The following PHKB variants were observed in gnomAD, a reference collection of about 807,000 sequenced individuals.
PHKB encodes the protein phosphorylase b kinase regulatory subunit beta.
PHKB carries 122 observed loss-of-function variants against 152.1 expected under a neutral mutation model. That is an observed-to-expected ratio of 0.80 (90% CI 0.69 to 0.93). PHKB has a LOEUF of 0.93. Ranked by LOEUF, PHKB falls within the 40% of genes least tolerant of loss-of-function variation. The pLI, the probability that PHKB is intolerant of heterozygous loss-of-function variation, is 0.00. For missense variants in PHKB, 1,304 were observed against 1,328.4 expected (o/e 0.98, Z 0.29); for synonymous variants, 436 against 464.9 (o/e 0.94, Z 0.80).
intron 14 of PHKB, chr16:47,619,382 G>A (rs1035816531): frequency 9.2e-5 from 14 of 152,152 alleles, no homozygotes; most frequent in African/African-American, 3.1e-4. Flanking sequence ...AGAGTTCTGT[G>A]AAAGTGATCT....
At chr16:47,528,589 A>C (rs1309456922) in intron 6 of PHKB, among the ~76,000 whole-genome samples, 2 of 151,940 alleles carry the variant, frequency 1.3e-5, no homozygotes, top group Non-Finnish European at 2.9e-5. Context: ...AAACATGGAG[A>C]ATGAGAATGT....
chr16:47,543,373 C>T (rs1237465415), intron 6 of PHKB, among the ~76,000 whole-genome samples: 1 of 152,108 alleles, frequency 6.6e-6, no homozygotes, highest in African/African-American at 2.4e-5. Context: ...GTTGGATAAG[C>T]TTTTTGATGT....
At chr16:47,605,484 C>G (rs908301688) in intron 13 of PHKB, among the ~76,000 whole-genome samples, 3 of 152,132 alleles carry the variant, frequency 2.0e-5, no homozygotes, top group African/African-American at 7.2e-5. Context: ...TAACAAAATA[C>G]TGTAATAAAG....
chr16:47,497,033 T>G (rs1597031086), intron 1 of PHKB, among the ~76,000 whole-genome samples: 1 of 152,198 alleles, frequency 6.6e-6, no homozygotes, highest in African/African-American at 2.4e-5. Flanking sequence ...GAATGAAGTT[T>G]GGATTTATGG....
At chr16:47,597,780 G>C (rs1972149211) in intron 13 of PHKB, 1 of 148,666 alleles carries the variant, frequency 6.7e-6, no homozygotes, top group Non-Finnish European at 1.5e-5. Context: ...TAAATTTCAG[G>C]AACTCTTAAT....
At chr16:47,672,342 C>T (rs8057979) in intron 26 of PHKB, among the ~76,000 whole-genome samples, 30 of 152,240 alleles carry the variant, frequency 2.0e-4, no homozygotes, top group African/African-American at 7.2e-4. Flanking sequence ...TCAACTCCAA[C>T]CTCTTGACTC....
intron 10 of PHKB, among the ~76,000 whole-genome samples, chr16:47,592,893 A>G (rs1355567009): frequency 6.6e-6 from 1 of 152,154 alleles, no homozygotes; most frequent in African/African-American, 2.4e-5. Flanking sequence ...AATCAGTTCA[A>G]CTTTATTGCT....
chr16:47,467,665 G>A (rs1053040811), intron 1 of PHKB, among the ~76,000 whole-genome samples: 2 of 152,032 alleles, frequency 1.3e-5, no homozygotes, highest in Non-Finnish European at 2.9e-5. Context: ...AACCCCCTTG[G>A]CATGAAGCTT....
At chr16:47,605,984 T>C (rs1972316471) in intron 13 of PHKB, among the ~76,000 whole-genome samples, 1 of 152,186 alleles carries the variant, frequency 6.6e-6, no homozygotes, top group African/African-American at 2.4e-5. Flanking sequence ...CTCTGGTTCA[T>C]CATCTATAAA....
chr16:47,677,748 GTTAA>G (rs1043208843), intron 26 of PHKB, among the ~76,000 whole-genome samples: 8 of 151,748 alleles, frequency 5.3e-5, no homozygotes. Context: ...ATATGGCTTA[GTTAA>G]ATGCACAAAA....
At chr16:47,603,358 T>C (rs1204270623) in intron 13 of PHKB, among the ~76,000 whole-genome samples, 1 of 152,218 alleles carries the variant, frequency 6.6e-6, no homozygotes, top group African/African-American at 2.4e-5. Context: ...ATTATCTTTC[T>C]CATGTTACCC....
intron 5 of PHKB, among the ~76,000 whole-genome samples, chr16:47,515,031 A>T (rs1970572601): frequency 1.3e-5 from 2 of 152,156 alleles, no homozygotes; most frequent in African/African-American, 4.8e-5. Context: ...CCTATTGTTT[A>T]TGGGGTACTG....
intron 10 of PHKB, among the ~76,000 whole-genome samples, chr16:47,592,703 G>A (rs562134214): frequency 6.6e-6 from 1 of 152,238 alleles, no homozygotes; most frequent in African/African-American, 2.4e-5. Context: ...GTGAGCCTCT[G>A]AGGGAAGTTC....
At chr16:47,595,115 A>G (rs1004564007) in intron 12 of PHKB, among the ~76,000 whole-genome samples, 3 of 152,244 alleles carry the variant, frequency 2.0e-5, no homozygotes, top group African/African-American at 7.2e-5. Flanking sequence ...GAAATAATGT[A>G]TTAAATTTTG....
chr16:47,612,865 C>G (rs1231497756), intron 14 of PHKB, among the ~76,000 whole-genome samples: 1 of 152,160 alleles, frequency 6.6e-6, no homozygotes, highest in Non-Finnish European at 1.5e-5. Context: ...CATGTCTGTT[C>G]CCGGGGCTGG....
intron 7 of PHKB, among the ~76,000 whole-genome samples, chr16:47,575,985 A>G (rs1971742181): frequency 6.6e-6 from 1 of 152,202 alleles, no homozygotes; most frequent in South Asian, 2.1e-4. Flanking sequence ...CTGAGGCAGG[A>G]GAATCACTTG....
At chr16:47,566,432 A>G in intron 7 of PHKB, 1 of 1,609,402 alleles carries the variant, frequency 6.2e-7, no homozygotes. Context: ...CTTCATTGAG[A>G]CTCAGGGCAC....
intron 14 of PHKB, among the ~76,000 whole-genome samples, chr16:47,632,321 T>C (rs1035820995): frequency 6.6e-6 from 1 of 152,190 alleles, no homozygotes; most frequent in Non-Finnish European, 1.5e-5. Flanking sequence ...CTAGCCTTAA[T>C]TGATTATCAA....
chr16:47,651,483 A>ACTAT (rs1253230126), intron 20 of PHKB, among the ~76,000 whole-genome samples: 3 of 152,064 alleles, frequency 2.0e-5, no homozygotes, highest in Non-Finnish European at 4.4e-5. Flanking sequence ...CTCTGCCTGG[A>ACTAT]CTATCCTTCC....
Sources: allele counts gnomAD v4.1 joint callset (sites outside exome capture counted in the v4.1 genomes callset), GRCh38; gene constraint gnomAD v4.1.1; transcripts MANE v1.5; gene names NCBI Gene and HGNC (gene_info 2026-07-23, HGNC 2026-07-21).